The following PHACTR2 variants were observed in gnomAD, a reference collection of about 807,000 sequenced individuals.
PHACTR2 encodes phosphatase and actin regulator 2.
PHACTR2 carries 30 observed loss-of-function variants against 76.0 expected under a neutral mutation model. That is an observed-to-expected ratio of 0.39 (90% CI 0.30 to 0.54). The LOEUF (loss-of-function observed/expected upper bound fraction) is 0.54. Ranked by LOEUF, PHACTR2 falls within the 20% of genes least tolerant of loss-of-function variation. PHACTR2 has a pLI of 0.61. For synonymous variants in PHACTR2, 292 were observed against 292.5 expected (o/e 1.00, Z 0.02); for missense variants, 696 against 781.1 (o/e 0.89, Z 1.30).
Position 143,820,775 on chromosome 6 carries a change from C to T in PHACTR2, c.1923-2899C>T, listed in dbSNP as rs1217974881. ...CCAGCAGAGACCCTTTGTGGAATCC[C>T]CAACTCCTCATTTCCCTTCCACACT... On this transcript the variant is annotated intron_variant, in intron 12 of 12. Coordinates refer to ENST00000440869, the MANE Select transcript of PHACTR2 (RefSeq NM_001100164.2). The surrounding 1 kb of genome is among the most constrained non-coding windows in gnomAD (Gnocchi z 4.2). Among the ~76,000 whole-genome samples, 1 of 152,232 alleles carries T rather than the reference C, an allele frequency of 6.6e-6. No homozygotes were observed. The highest frequency in any genetic ancestry group is 2.4e-5 in the African/African-American group (1 of 41,470).
At chr6:143,741,622 G>T (rs897967690) in intron 2 of PHACTR2, among the ~76,000 whole-genome samples, 2 of 152,124 alleles carry the variant, frequency 1.3e-5, no homozygotes, top group African/African-American at 2.4e-5. Flanking sequence ...CAGATTTCTG[G>T]GTGAAATTGC....
In PHACTR2 at chr6:143,738,762, A is replaced by G. The variant is rs188016996; in HGVS notation, c.215-10223A>G. On this transcript the variant is annotated intron_variant, in intron 2 of 12. Coordinates refer to ENST00000440869, the MANE Select transcript of PHACTR2 (RefSeq NM_001100164.2). The surrounding 1 kb of genome is among the most constrained non-coding windows in gnomAD (Gnocchi z 4.0). ...TAGAGCAGGACCTTGTCTCAAAAAA[A>G]AAAGAAAGAAAGAAAGAAAGAAAAT... is the stretch of plus-strand genomic sequence containing the variant. 6.0e-4 allele frequency among the ~76,000 whole-genome samples: 92 copies of G among 152,242 alleles called. No homozygotes were observed. The highest frequency in any genetic ancestry group is 2.0e-3 in the African/African-American group (82 of 41,556).
At position 143,583,370 on chromosome 6, in the gene PHACTR2, A is replaced by G. The variant is rs977736516; in HGVS notation, c.217+46163A>G. Reference sequence around the variant, plus strand: ...GCCCAGAACCGTTTACAATGACAATATGATCCCTTTCTCACTTTTATGATT... The same window carrying G: ...GCCCAGAACCGTTTACAATGACAATGTGATCCCTTTCTCACTTTTATGATT... On this transcript the variant is annotated intron_variant, in intron 1 of 11. Coordinates refer to the PHACTR2 transcript ENST00000367584. The surrounding 1 kb of genome is among the most constrained non-coding windows in gnomAD (Gnocchi z 4.0). Among the ~76,000 whole-genome samples the G allele has an allele frequency of 7.2e-5, 11 of 152,250 alleles. No individual in the cohort carries two copies. The highest frequency in any genetic ancestry group is 2.7e-4 in the African/African-American group (11 of 41,472).
intron 7 of PHACTR2, 122 bp from the exon 8 acceptor site, chr6:143,773,937 T>C (rs1212197160): frequency 3.0e-6 from 2 of 656,394 alleles, no homozygotes; most frequent in Non-Finnish European, 5.0e-6. Context: ...ATTAAGATTC[T>C]CCTCCTGCAT....
At position 143,580,936 on chromosome 6, in the gene PHACTR2, A is replaced by G. The variant is rs1158803991; in HGVS notation, c.217+43729A>G. On this transcript the variant is annotated intron_variant, in intron 1 of 11. Transcript: ENST00000367584. The surrounding 1 kb of genome is among the most constrained non-coding windows in gnomAD (Gnocchi z 4.2). Reference sequence around the variant, plus strand: ...AGAGAGAGTGACACCAGGTGTTGAAATTACAGAAGGGACCATTTCTGGCAA... The same window carrying G: ...AGAGAGAGTGACACCAGGTGTTGAAGTTACAGAAGGGACCATTTCTGGCAA... Among the ~76,000 whole-genome samples, 2 of 152,222 alleles carry G rather than the reference A, an allele frequency of 1.3e-5. No individual in the cohort carries two copies. Among genetic ancestry groups the G allele is most frequent in the Non-Finnish European group, 2.9e-5 (2 of 68,038 alleles).
Position 143,707,317 on chromosome 6 carries a change from C to G in PHACTR2, c.47-4699C>G, listed in dbSNP as rs570974450. ...ACATGATTTCTCCTAGTTATTTTTGCTATGATTGGGCTTCAAAAATGCATT... is the reference window on the plus strand; with the variant it reads ...ACATGATTTCTCCTAGTTATTTTTGGTATGATTGGGCTTCAAAAATGCATT... On this transcript the variant is annotated intron_variant, in intron 1 of 12. Transcript: ENST00000440869. Among the ~76,000 whole-genome samples the G allele has an allele frequency of 2.0e-3, 310 of 152,296 alleles. 2 individuals are homozygous for G. Among genetic ancestry groups the G allele is most frequent in the African/African-American group, 6.9e-3 (288 of 41,570 alleles).
In PHACTR2 at chr6:143,774,043, C is replaced by A; in HGVS notation, c.1433-16C>A. The A allele has an allele frequency of 6.2e-7, 1 of 1,611,094 alleles. No individual in the cohort carries two copies. The highest frequency in any genetic ancestry group is 1.1e-5 in the South Asian group (1 of 90,564). On this transcript the variant is annotated splice_polypyrimidine_tract_variant and intron_variant, in intron 7 of 12. Transcript: ENST00000440869. This position sits in a 1 kb window ranked among gnomAD's most constrained non-coding sequence, Gnocchi z 5.4. ...AAGCCTCTCTCTCTGCATTTCTGCTCTTTTTCAATCCTCAGGTGCTTTGGC... is the reference window on the plus strand; with the variant it reads ...AAGCCTCTCTCTCTGCATTTCTGCTATTTTTCAATCCTCAGGTGCTTTGGC...
At position 143,774,519 on chromosome 6, in the gene PHACTR2, G is replaced by A. The variant is rs1582867863; in HGVS notation, c.1589+304G>A. The stretch of plus-strand genomic sequence containing the variant: ...TCTGTTGCAGCTACTCAACTGCGCT[G>A]CTGTAGCATAAAAGCAGCCATAAAT... On this transcript the variant is annotated intron_variant, in intron 8 of 12. Coordinates refer to ENST00000440869, the MANE Select transcript of PHACTR2 (RefSeq NM_001100164.2). This position sits in a 1 kb window ranked among gnomAD's most constrained non-coding sequence, Gnocchi z 5.4. Among the ~76,000 whole-genome samples, 1 of 152,300 alleles carries A rather than the reference G, an allele frequency of 6.6e-6. No homozygotes were observed. The highest frequency in any genetic ancestry group is 1.5e-5 in the Non-Finnish European group (1 of 68,034).
chr6:143,555,976 G>T (rs1342284818), intron 1 of PHACTR2, among the ~76,000 whole-genome samples: 2 of 138,850 alleles, frequency 1.4e-5, no homozygotes, highest in Admixed American at 7.4e-5. Flanking sequence ...TTTTAAATTT[G>T]CTATTTCACA....
intron 1 of PHACTR2, among the ~76,000 whole-genome samples, chr6:143,706,496 T>C (rs1409738202): frequency 6.6e-6 from 1 of 152,248 alleles, no homozygotes; most frequent in Non-Finnish European, 1.5e-5. Context: ...TGGATCATTC[T>C]AGCTTTACTC....
chr6:143,712,967 T>C (rs1175471399), intron 2 of PHACTR2, among the ~76,000 whole-genome samples: 2 of 152,218 alleles, frequency 1.3e-5, no homozygotes, highest in Admixed American at 6.5e-5. Context: ...AGTGTGAGTG[T>C]ATTGTGTCTA....
upstream of PHACTR2, among the ~76,000 whole-genome samples, chr6:143,604,096 CAAA>C (rs5880568): frequency 2.9e-4 from 32 of 110,310 alleles, no homozygotes; most frequent in Admixed American, 6.6e-4. Context: ...GACTCTGATT[CAAA>C]AAAAAAAAAA....
chr6:143,708,276 G>T lies in PHACTR2; in HGVS notation c.47-3740G>T, dbSNP rs753882658. 4.6e-5 allele frequency among the ~76,000 whole-genome samples: 7 copies of T among 152,122 alleles called. No individual in the cohort carries two copies. The highest frequency in any genetic ancestry group is 1.0e-4 in the Non-Finnish European group (7 of 68,018). ...GGTGTTGTGGGGAAATTCTGTTAGG[G>T]GTGGGCTTGTTTCAGTGGGAAGATA... is the stretch of plus-strand genomic sequence containing the variant. On this transcript the variant is annotated intron_variant, in intron 1 of 12. Transcript: ENST00000440869. This position sits in a 1 kb window ranked among gnomAD's most constrained non-coding sequence, Gnocchi z 5.5.
chr6:143,549,945 G>A lies in PHACTR2; in HGVS notation c.217+12738G>A, dbSNP rs559930508. Among the ~76,000 whole-genome samples the A allele has an allele frequency of 3.1e-4, 47 of 152,000 alleles. 1 individual carries two copies. Among genetic ancestry groups the A allele is most frequent in the African/African-American group, 1.0e-3 (43 of 41,516 alleles). ...CTGTTAATAGACAATAGGCAACAAAGGCACACCACAAAGGATGAAAACTGA... is the reference window on the plus strand; with the variant it reads ...CTGTTAATAGACAATAGGCAACAAAAGCACACCACAAAGGATGAAAACTGA... On this transcript the variant is annotated intron_variant, in intron 1 of 11. Transcript: ENST00000367584. The surrounding 1 kb of genome is among the most constrained non-coding windows in gnomAD (Gnocchi z 4.2).
At position 143,806,162 on chromosome 6, in the gene PHACTR2, C is replaced by G. The variant is rs1582899593; in HGVS notation, c.1846-895C>G. ...AAACCACGAACCATCTGTAATCCTG[C>G]CACTATTTGTTAACAGATAACTAAT... is the stretch of plus-strand genomic sequence containing the variant. On this transcript the variant is annotated intron_variant, in intron 11 of 12. Coordinates refer to ENST00000440869, the MANE Select transcript of PHACTR2 (RefSeq NM_001100164.2). The surrounding 1 kb of genome is among the most constrained non-coding windows in gnomAD (Gnocchi z 5.8). Among the ~76,000 whole-genome samples, 1 of 152,260 alleles carries G rather than the reference C, an allele frequency of 6.6e-6. No homozygotes were observed. The highest frequency in any genetic ancestry group is 2.1e-4 in the South Asian group (1 of 4,822).
intron 1 of PHACTR2, among the ~76,000 whole-genome samples, chr6:143,620,202 A>G (rs1160594507): frequency 1.3e-5 from 2 of 152,176 alleles, no homozygotes; most frequent in African/African-American, 2.4e-5. Flanking sequence ...TTAACTTCTA[A>G]ATATCCTGGC....
In PHACTR2 at chr6:143,749,689, T is replaced by A. The variant is rs1014251525; in HGVS notation, c.295+624T>A. Among the ~76,000 whole-genome samples, 12 of 152,294 alleles carry A rather than the reference T, an allele frequency of 7.9e-5. No homozygotes were observed. In the South Asian group the frequency reaches 2.5e-3, roughly 32 times the overall value. On this transcript the variant is annotated intron_variant, in intron 3 of 12. Coordinates refer to ENST00000440869, the MANE Select transcript of PHACTR2 (RefSeq NM_001100164.2). ...TTTCCCCTATCTCTGATCTTCTCTT[T>A]TTTTCTCTATCCTCCCGAGGAGGAA...
chr6:143,721,908 G>A (rs1280112567), intron 2 of PHACTR2, among the ~76,000 whole-genome samples: 2 of 152,092 alleles, frequency 1.3e-5, no homozygotes, highest in African/African-American at 4.8e-5. Context: ...CTGTGCATCT[G>A]GCAGTACCTC....
chr6:143,579,483 C>T (rs1395692273), intron 1 of PHACTR2, among the ~76,000 whole-genome samples: 3 of 151,918 alleles, frequency 2.0e-5, no homozygotes, highest in Non-Finnish European at 4.4e-5. Flanking sequence ...GCAAATTGCC[C>T]TATTATGTGT....
Sources: gnomAD v4.1 joint callset for allele counts (sites outside exome capture counted in the v4.1 genomes callset) on GRCh38, gnomAD v4.1.1 for gene constraint, Gnocchi (gnomAD v3.1) non-coding constraint, MANE v1.5 for transcripts, NCBI Gene and HGNC (gene_info 2026-07-23, HGNC 2026-07-21) for gene names.